COL24A1: variants seen among roughly 807,000 people sequenced by gnomAD.
COL24A1 encodes collagen alpha-1(XXIV) chain.
COL24A1 carries 224 observed loss-of-function variants against 253.9 expected under a neutral mutation model. That is an observed-to-expected ratio of 0.88 (90% confidence interval 0.79 to 0.99). The LOEUF (loss-of-function observed/expected upper bound fraction) is 0.99, where lower values mean the gene tolerates loss of function less well. COL24A1 is among the 50% of genes least tolerant of loss of function. The pLI, the probability that COL24A1 is intolerant of heterozygous loss-of-function variation, is 0.00. For synonymous variants in COL24A1, 685 were observed against 673.7 expected (o/e 1.02, Z -0.26); for missense variants, 2,131 against 2,068.5 (o/e 1.03, Z -0.59).
intron 35 of COL24A1, among the ~76,000 whole-genome samples, chr1:85,873,415 A>G (rs182140327): frequency 1.4e-4 from 21 of 152,318 alleles, no homozygotes; most frequent in African/African-American, 4.3e-4. Flanking sequence ...ACTATTCACT[A>G]TAGCAAAGAC....
At chr1:85,940,919 C>T (rs1688702904) in intron 24 of COL24A1, among the ~76,000 whole-genome samples, 1 of 152,150 alleles carries the variant, frequency 6.6e-6, no homozygotes, top group South Asian at 2.1e-4. Flanking sequence ...CTAAATTTGC[C>T]TGGCAATGTT....
intron 31 of COL24A1, among the ~76,000 whole-genome samples, chr1:85,890,894 A>G (rs1291041960): frequency 6.6e-6 from 1 of 152,150 alleles, no homozygotes. Context: ...TTGTAGTACC[A>G]TAAAAGAGCA....
intron 24 of COL24A1, among the ~76,000 whole-genome samples, chr1:85,944,971 G>T (rs1689118059): frequency 8.5e-6 from 1 of 117,384 alleles, no homozygotes; most frequent in African/African-American, 3.2e-5. Flanking sequence ...GTGTATATGT[G>T]CCACATTTTC....
chr1:85,901,953 T>G (rs1383373391), intron 28 of COL24A1, among the ~76,000 whole-genome samples: 3 of 151,910 alleles, frequency 2.0e-5, no homozygotes, highest in Non-Finnish European at 4.4e-5. Context: ...GCAGCACTAT[T>G]CACAATAGCA....
chr1:85,948,745 A>C (rs1025147146), intron 24 of COL24A1, among the ~76,000 whole-genome samples: 2 of 151,638 alleles, frequency 1.3e-5, no homozygotes, highest in Non-Finnish European at 2.9e-5. Flanking sequence ...CTGATACCAA[A>C]ACCTGGCAGA....
At chr1:86,112,724 A>G (rs1365880832) in intron 4 of COL24A1, 104 bp from the exon 5 acceptor site, 1 of 1,052,626 alleles carries the variant, frequency 9.5e-7, no homozygotes, top group South Asian at 1.7e-5. Flanking sequence ...TAAGCACTTG[A>G]GTTTTTGCTT....
At chr1:85,762,889 A>G (rs530953756) in intron 53 of COL24A1, among the ~76,000 whole-genome samples, 1 of 152,332 alleles carries the variant, frequency 6.6e-6, no homozygotes, top group Non-Finnish European at 1.5e-5. Flanking sequence ...TGCTGATTTT[A>G]TAAAGTTCAC....
chr1:85,989,900 G>A (rs1250501661), intron 19 of COL24A1, among the ~76,000 whole-genome samples: 1 of 152,132 alleles, frequency 6.6e-6, no homozygotes, highest in African/African-American at 2.4e-5. Context: ...GAATTAGGTT[G>A]CTTCTAAGAA....
intron 43 of COL24A1, among the ~76,000 whole-genome samples, chr1:85,829,991 G>T (rs926500649): frequency 1.3e-5 from 2 of 152,120 alleles, no homozygotes; most frequent in Non-Finnish European, 2.9e-5. Flanking sequence ...TGGAGGAGGA[G>T]AGGCGCTCTA....
intron 7 of COL24A1, among the ~76,000 whole-genome samples, chr1:86,081,001 A>G (rs1702593594): frequency 2.0e-5 from 3 of 152,178 alleles, no homozygotes; most frequent in African/African-American, 7.2e-5. Context: ...TATTTTTGTT[A>G]AAGTGTTAAA....
intron 35 of COL24A1, among the ~76,000 whole-genome samples, chr1:85,873,270 G>A (rs1254431568): frequency 6.6e-6 from 1 of 152,134 alleles, no homozygotes. Context: ...CATTGTGGAA[G>A]ACAGTGTGGC....
intron 24 of COL24A1, among the ~76,000 whole-genome samples, chr1:85,946,617 C>T (rs1387138879): frequency 2.6e-5 from 4 of 152,146 alleles, no homozygotes; most frequent in Admixed American, 6.5e-5. Flanking sequence ...TCATCCAAGG[C>T]AGTTCTTATT....
At chr1:86,131,678 A>G (rs1649230381) in intron 2 of COL24A1, among the ~76,000 whole-genome samples, 2 of 152,096 alleles carry the variant, frequency 1.3e-5, no homozygotes, top group South Asian at 4.1e-4. Context: ...ATGTCCCTAC[A>G]AAGGACATGA....
intron 24 of COL24A1, among the ~76,000 whole-genome samples, chr1:85,948,837 T>C (rs989872714): frequency 6.6e-6 from 1 of 151,224 alleles, no homozygotes; most frequent in Admixed American, 6.6e-5. Flanking sequence ...ACTTAAAGTA[T>C]AATAAAAAAT....
At chr1:85,901,084 T>C (rs1241912433) in intron 28 of COL24A1, among the ~76,000 whole-genome samples, 1 of 152,136 alleles carries the variant, frequency 6.6e-6, no homozygotes, top group African/African-American at 2.4e-5. Context: ...AAAGCTTCCA[T>C]ACAACATAAG....
intron 5 of COL24A1, among the ~76,000 whole-genome samples, chr1:86,102,207 T>C (rs1704526639): frequency 6.6e-6 from 1 of 152,136 alleles, no homozygotes; most frequent in Non-Finnish European, 1.5e-5. Flanking sequence ...GATGGTTACT[T>C]GTATTTCTGT....
chr1:85,787,579 A>G (rs1301933983), intron 47 of COL24A1, among the ~76,000 whole-genome samples: 2 of 152,164 alleles, frequency 1.3e-5, no homozygotes, highest in African/African-American at 4.8e-5. Flanking sequence ...TCCATGCTGT[A>G]TATGTACCAC....
rs753309697 is a variant in COL24A1 at position 85,877,153 on chromosome 1, T to A, written c.2999A>T (p.Asp1000Val). 3.1e-6 allele frequency: 5 copies of A among 1,607,200 alleles called. No homozygotes were observed. In the Admixed American group the frequency reaches 8.4e-5, roughly 27 times the overall value. The part of the protein sequence containing the change: ...GEPGLRGLQG[D>V]VGPPGEMGME... ...GCCCATTTCTCCAGGAGGTCCAACA[T>A]CACCTTGCAGTCCTCGCAGTCCCTA... is the stretch of plus-strand genomic sequence containing the variant. The change falls in exon 33 of 60, where the codon GAT becomes GTT. Residue 1000 changes from aspartate to valine, a missense_variant. Asp to Val is a radical substitution (Grantham distance 152). Coordinates refer to ENST00000370571, the MANE Select transcript of COL24A1 (RefSeq NM_152890.7).
intron 28 of COL24A1, among the ~76,000 whole-genome samples, chr1:85,898,280 G>C (rs1268200197): frequency 1.3e-5 from 2 of 152,146 alleles, no homozygotes; most frequent in African/African-American, 2.4e-5. Flanking sequence ...TCCCATCTGA[G>C]ATAAGCTTTG....
Sources: allele counts gnomAD v4.1 joint callset (sites outside exome capture counted in the v4.1 genomes callset), GRCh38; gene constraint gnomAD v4.1.1; transcripts MANE v1.5; gene names NCBI Gene and HGNC (gene_info 2026-07-23, HGNC 2026-07-21).